Variants in RUFY3 observed in about 807,000 individuals in gnomAD.
The protein encoded by RUFY3 is RUN and FYVE domain containing 3, also known as protein RUFY3.
Under a neutral mutation model 84.0 loss-of-function variants are expected in RUFY3, and 34 were observed. That is an observed-to-expected ratio of 0.40 (90% confidence interval 0.31 to 0.54). The LOEUF (loss-of-function observed/expected upper bound fraction) is 0.54, where lower values mean the gene tolerates loss of function less well. Among genes scored for constraint, RUFY3 ranks in the 20% least tolerant of loss-of-function variants. The pLI, the probability that RUFY3 is intolerant of heterozygous loss-of-function variation, is 0.39. For synonymous variants in RUFY3, 242 were observed against 252.9 expected, an observed-to-expected ratio of 0.96 and a Z score of 0.41; for missense variants, 507 against 736.8, an observed-to-expected ratio of 0.69 and a Z score of 3.61.
intron 1 of RUFY3, among the ~76,000 whole-genome samples, chr4:70,733,723 T>C (rs1163918035): frequency 6.6e-6 from 1 of 152,188 alleles, no homozygotes; most frequent in African/African-American, 2.4e-5. Context: ...GCATATTTAC[T>C]ATAGTCACAA....
At chr4:70,787,225 G>T (rs1404172913) in intron 10 of RUFY3, among the ~76,000 whole-genome samples, 1 of 125,318 alleles carries the variant, frequency 8.0e-6, no homozygotes, top group African/African-American at 3.0e-5. Flanking sequence ...AAAACAAATT[G>T]ACAGTATATA....
chr4:70,704,352 C>T (rs889926243), upstream of RUFY3: 2 of 152,248 alleles, frequency 1.3e-5, no homozygotes, highest in Non-Finnish European at 2.9e-5. Context: ...GCAAATGGTA[C>T]AGTTTAATAC....
At chr4:70,797,915 A>T (rs540439881) in intron 14 of RUFY3, among the ~76,000 whole-genome samples, 1 of 152,224 alleles carries the variant, frequency 6.6e-6, no homozygotes, top group African/African-American at 2.4e-5. Flanking sequence ...TTTAGTGAAC[A>T]TAAAATCTAA....
At chr4:70,769,615 T>C (rs113334217) in intron 5 of RUFY3, among the ~76,000 whole-genome samples, 7,016 of 152,222 alleles carry the variant, frequency 0.046, 357 homozygotes, top group East Asian at 0.2. Flanking sequence ...ACCACATTAA[T>C]TGGCTTCCTT....
At chr4:70,796,565 T>C (rs1031248436) in intron 14 of RUFY3, among the ~76,000 whole-genome samples, 2 of 152,244 alleles carry the variant, frequency 1.3e-5, no homozygotes, top group Non-Finnish European at 2.9e-5. Context: ...TTTACTCAAC[T>C]TTAATTTTTC....
At chr4:70,720,095 A>G (rs996816571), upstream of RUFY3, among the ~76,000 whole-genome samples, 1 of 152,140 alleles carries the variant, frequency 6.6e-6, no homozygotes, top group Non-Finnish European at 1.5e-5. Flanking sequence ...ATTTTGAGAC[A>G]GGGTAGAGTG....
chr4:70,803,866 G>A (rs940639898), intron 16 of RUFY3, among the ~76,000 whole-genome samples: 2 of 151,560 alleles, frequency 1.3e-5, no homozygotes, highest in Non-Finnish European at 2.9e-5. Context: ...GGGATTACAG[G>A]CGCCCACCAC....
chr4:70,801,583 G>C (rs537833576), intron 15 of RUFY3, among the ~76,000 whole-genome samples: 1 of 152,318 alleles, frequency 6.6e-6, no homozygotes, highest in African/African-American at 2.4e-5. Context: ...GAGGTTTTGA[G>C]AGAACTATAC....
chr4:70,769,377 C>T (rs773539352), intron 5 of RUFY3, among the ~76,000 whole-genome samples: 4 of 152,136 alleles, frequency 2.6e-5, no homozygotes, highest in Non-Finnish European at 4.4e-5. Context: ...ATACTGTAGT[C>T]TATTAAGTAT....
At chr4:70,756,297 CT>C (rs1335336483) in intron 1 of RUFY3, among the ~76,000 whole-genome samples, 1 of 152,278 alleles carries the variant, frequency 6.6e-6, no homozygotes, top group East Asian at 1.9e-4. Flanking sequence ...TTACTTGCCC[CT>C]CAGCTTTGAG....
chr4:70,705,004 G>A, exon 1 of RUFY3: 1 of 1,225,146 alleles, frequency 8.2e-7, no homozygotes, highest in Non-Finnish European at 1.0e-6. Flanking sequence ...GCGAGGGGCG[G>A]GGAGTGGCGG....
In RUFY3 at chr4:70,722,533, G is replaced by C; in HGVS notation, c.-41G>C. Reference sequence around the variant, plus strand: ...TTTTTTGGTGTGTGTGTGTGAGTGTGTGTGTGTCTGTGTGTGTGTTGTGGT... The same window carrying C: ...TTTTTTGGTGTGTGTGTGTGAGTGTCTGTGTGTCTGTGTGTGTGTTGTGGT... On this transcript the variant is annotated 5_prime_UTR_variant, in exon 1 of 18. Transcript: ENST00000381006. The C allele has an allele frequency of 6.3e-7, 1 of 1,592,674 alleles. No individual in the cohort carries two copies.
intron 6 of RUFY3, 140 bp from the exon 7 acceptor site, chr4:70,775,028 T>G: frequency 1.9e-6 from 1 of 514,080 alleles, no homozygotes; most frequent in Non-Finnish European, 3.5e-6. Context: ...GGGTTTTACA[T>G]CAAATCTGTC....
chr4:70,805,470 A>G (rs1732740017), intron 17 of RUFY3, among the ~76,000 whole-genome samples: 1 of 152,242 alleles, frequency 6.6e-6, no homozygotes, highest in East Asian at 1.9e-4. Flanking sequence ...AAATGAGTGT[A>G]TGAAACACAT....
chr4:70,802,813 T>C (rs1732391633), intron 15 of RUFY3, 143 bp from the exon 16 acceptor site: 1 of 520,462 alleles, frequency 1.9e-6, no homozygotes, highest in Non-Finnish European at 3.4e-6. Context: ...AAATTAATAA[T>C]TATGTTGTTC....
chr4:70,782,010 A>G (rs1729004375), intron 8 of RUFY3, among the ~76,000 whole-genome samples: 2 of 152,172 alleles, frequency 1.3e-5, no homozygotes, highest in African/African-American at 4.8e-5. Context: ...AGGTGTTGAA[A>G]TGAAAAATCT....
At chr4:70,757,451 A>C (rs1219953128) in intron 1 of RUFY3, among the ~76,000 whole-genome samples, 1 of 152,018 alleles carries the variant, frequency 6.6e-6, no homozygotes, top group Admixed American at 6.6e-5. Flanking sequence ...CTAAAAATAC[A>C]AAACTAGCCG....
chr4:70,766,227 A>G (rs1425637081), intron 4 of RUFY3, among the ~76,000 whole-genome samples: 2 of 152,194 alleles, frequency 1.3e-5, no homozygotes, highest in Non-Finnish European at 2.9e-5. Flanking sequence ...TGAATAATTC[A>G]GGTCACTGGG....
intron 1 of RUFY3, among the ~76,000 whole-genome samples, chr4:70,728,276 T>G (rs113883292): frequency 0.017 from 2,545 of 152,332 alleles, 93 homozygotes; most frequent in African/African-American, 0.056. Context: ...TATTGGTTGT[T>G]TACCCTGATC....
Sources: allele counts gnomAD v4.1 joint callset (sites outside exome capture counted in the v4.1 genomes callset), GRCh38; gene constraint gnomAD v4.1.1; transcripts MANE v1.5; gene names NCBI Gene and HGNC (gene_info 2026-07-23, HGNC 2026-07-21).